VSNL1: variants seen among roughly 807,000 people sequenced by gnomAD.
VSNL1 encodes visinin-like protein 1.
VSNL1 carries 6 observed loss-of-function variants against 20.4 expected under a neutral mutation model. The ratio of observed to expected loss-of-function variants is 0.29; its 90% confidence interval spans 0.16 to 0.58. The LOEUF (loss-of-function observed/expected upper bound fraction) is 0.58. VSNL1 is among the 20% of genes least tolerant of loss of function. VSNL1 has a pLI of 0.90. For missense variants in VSNL1, 100 were observed against 234.5 expected (o/e 0.43, Z 3.75); for synonymous variants, 93 against 86.4 (o/e 1.08, Z -0.42).
chr2:17,550,673 C>T (rs893943641), intron 1 of VSNL1, among the ~76,000 whole-genome samples: 1 of 152,176 alleles, frequency 6.6e-6, no homozygotes, highest in African/African-American at 2.4e-5. Flanking sequence ...GTAAGACCAA[C>T]AGGAGAAACT....
intron 1 of VSNL1, among the ~76,000 whole-genome samples, chr2:17,572,621 T>G (rs1173010342): frequency 6.6e-6 from 1 of 152,228 alleles, no homozygotes; most frequent in Non-Finnish European, 1.5e-5. Context: ...TTAATCTTCA[T>G]GTAAGAGAGG....
At chr2:17,638,161 T>C (rs767772831) in intron 2 of VSNL1, among the ~76,000 whole-genome samples, 23 of 152,132 alleles carry the variant, frequency 1.5e-4, no homozygotes, top group Non-Finnish European at 3.1e-4. Context: ...CAAGGCCAAA[T>C]TGCCTGAGTT....
At position 17,592,768 on chromosome 2, in the gene VSNL1, C is replaced by T. The variant is rs181535209; in HGVS notation, c.162+532C>T. Among the ~76,000 whole-genome samples, 640 of 146,510 alleles carry T rather than the reference C, an allele frequency of 4.4e-3. 5 individuals carry two copies. Among genetic ancestry groups the T allele is most frequent in the Non-Finnish European group, 6.7e-3 (453 of 67,182 alleles). The stretch of plus-strand genomic sequence containing the variant: ...AGGGGTGGGGGAGTGTAGCGTATCT[C>T]TGGTCAGCAATGTCTACAACATAGA... On this transcript the variant is annotated intron_variant, in intron 2 of 3. Transcript: ENST00000295156.
At chr2:17,569,873 A>G (rs1013546722) in intron 1 of VSNL1, among the ~76,000 whole-genome samples, 4 of 152,228 alleles carry the variant, frequency 2.6e-5, no homozygotes, top group Non-Finnish European at 4.4e-5. Context: ...GAGCTCCATA[A>G]TAGTTCCGTG....
chr2:17,588,159 C>A (rs150275655), intron 1 of VSNL1, among the ~76,000 whole-genome samples: 354 of 152,276 alleles, frequency 2.3e-3, no homozygotes, highest in Middle Eastern at 0.014. Flanking sequence ...TAATACACTC[C>A]GGTTTCTGTC....
intron 2 of VSNL1, among the ~76,000 whole-genome samples, chr2:17,602,617 G>A (rs1040809988): frequency 6.6e-6 from 1 of 152,152 alleles, no homozygotes; most frequent in Non-Finnish European, 1.5e-5. Flanking sequence ...GTGCATGCCT[G>A]TAATCCCAGC....
chr2:17,576,640 C>T (rs776042769), intron 1 of VSNL1, among the ~76,000 whole-genome samples: 2 of 152,154 alleles, frequency 1.3e-5, no homozygotes, highest in African/African-American at 4.8e-5. Context: ...TTAAAAGACA[C>T]GTATGTTGAA....
chr2:17,650,776 C>G (rs1666107401), intron 3 of VSNL1, among the ~76,000 whole-genome samples: 1 of 152,334 alleles, frequency 6.6e-6, no homozygotes. Context: ...CAACTCCCTG[C>G]CTGGGAAGCT....
At chr2:17,625,356 A>T (rs1410306744) in intron 2 of VSNL1, among the ~76,000 whole-genome samples, 1 of 152,226 alleles carries the variant, frequency 6.6e-6, no homozygotes, top group Non-Finnish European at 1.5e-5. Flanking sequence ...CGTGGGCTTG[A>T]TATTGGAAAC....
Position 17,540,825 on chromosome 2 carries a change from G to A in VSNL1, c.-99G>A, listed in dbSNP as rs1453248443. 3.3e-5 allele frequency: 5 copies of A among 152,642 alleles called. No individual in the cohort carries two copies. Among genetic ancestry groups the A allele is most frequent in the South Asian group, 2.1e-4 (1 of 4,830 alleles). The allele number at this position is 152,642 out of a possible 1,614,324, so 9.5% of individuals were successfully genotyped here. On this transcript the variant is annotated 5_prime_UTR_variant, in exon 1 of 4. Transcript: ENST00000295156. ...GCGAGAGAGAACCACACACAGAGAC[G>A]GCTTAAGCGTTTACCCGAATTAAAT...
chr2:17,614,901 A>G (rs1325889695), intron 2 of VSNL1, among the ~76,000 whole-genome samples: 1 of 152,186 alleles, frequency 6.6e-6, no homozygotes, highest in Non-Finnish European at 1.5e-5. Context: ...GAGGAGTCTG[A>G]ATTAAATTAA....
At chr2:17,642,093 C>T (rs1353970132) in intron 2 of VSNL1, among the ~76,000 whole-genome samples, 2 of 152,154 alleles carry the variant, frequency 1.3e-5, no homozygotes, top group East Asian at 3.8e-4. Flanking sequence ...GACAAGATGA[C>T]GTGACCTTAG....
intron 1 of VSNL1, among the ~76,000 whole-genome samples, chr2:17,563,292 A>G (rs1663860953): frequency 6.6e-6 from 1 of 152,226 alleles, no homozygotes; most frequent in Non-Finnish European, 1.5e-5. Flanking sequence ...TGAGGCTTTG[A>G]GAGCTCATTA....
intron 1 of VSNL1, among the ~76,000 whole-genome samples, chr2:17,544,194 T>G (rs1663358028): frequency 6.6e-6 from 1 of 152,148 alleles, no homozygotes; most frequent in African/African-American, 2.4e-5. Flanking sequence ...AGTGGTGAGT[T>G]TCTCAACACC....
At chr2:17,586,925 A>T (rs1028065728) in intron 1 of VSNL1, among the ~76,000 whole-genome samples, 1 of 152,168 alleles carries the variant, frequency 6.6e-6, no homozygotes, top group African/African-American at 2.4e-5. Flanking sequence ...GTCTCTACAA[A>T]GGCAATTGTT....
chr2:17,649,541 G>A lies in VSNL1; in HGVS notation c.294G>A (p.Glu98=), dbSNP rs1316693405. 6.2e-7 allele frequency: 1 copy of A among 1,614,066 alleles called. No individual in the cohort carries two copies. The highest frequency in any genetic ancestry group is 8.5e-7 in the Non-Finnish European group (1 of 1,180,046). The part of the protein sequence containing the change: ...ALSITSRGSF[E]QKLNWAFNMY... ...CCATCACCTCCAGGGGCAGCTTTGA[G>A]CAGAAGCTGAACTGGGCCTTCAATA... Residue 98 remains glutamate (E), a synonymous_variant, in exon 3 of 4, where the codon GAG becomes GAA. Coordinates refer to ENST00000295156, the MANE Select transcript of VSNL1 (RefSeq NM_003385.5). This position sits in a 1 kb window ranked among gnomAD's most constrained non-coding sequence, Gnocchi z 6.4.
intron 1 of VSNL1, among the ~76,000 whole-genome samples, chr2:17,561,497 T>A (rs1290806431): frequency 6.6e-6 from 1 of 152,090 alleles, no homozygotes; most frequent in Non-Finnish European, 1.5e-5. Context: ...TTGTGATGAA[T>A]CTTCCAAGCA....
chr2:17,655,070 C>A lies in VSNL1; in HGVS notation c.379-127C>A. The A allele has an allele frequency of 1.1e-6, 1 of 906,052 alleles. No homozygotes were observed. Among genetic ancestry groups the A allele is most frequent in the Non-Finnish European group, 1.7e-6 (1 of 591,412 alleles). 56.1% of individuals were successfully genotyped at this position (906,052 alleles called of 1,614,324 possible). On this transcript the variant is annotated intron_variant, in intron 3 of 3. Transcript: ENST00000295156. This position sits in a 1 kb window ranked among gnomAD's most constrained non-coding sequence, Gnocchi z 5.2. ...AACTTGCAGCACAAGGAGTGAAACT[C>A]CTCTGGGGAAAGGGAAGCTGAGGCT...
At chr2:17,653,787 A>G (rs1666169478) in intron 3 of VSNL1, among the ~76,000 whole-genome samples, 1 of 152,234 alleles carries the variant, frequency 6.6e-6, no homozygotes, top group Non-Finnish European at 1.5e-5. Context: ...TACAAATTAA[A>G]TGATTTTTAC....
Sources: gnomAD v4.1 joint callset for allele counts (sites outside exome capture counted in the v4.1 genomes callset) on GRCh38, gnomAD v4.1.1 for gene constraint, Gnocchi (gnomAD v3.1) non-coding constraint, MANE v1.5 for transcripts, NCBI Gene and HGNC (gene_info 2026-07-23, HGNC 2026-07-21) for gene names.